Variants in PAQR5 observed in about 807,000 individuals in gnomAD.
The protein encoded by PAQR5 is progestin and adipoQ receptor family member 5.
A neutral mutation model predicts 34.5 loss-of-function variants in PAQR5; 20 were observed. The ratio of observed to expected loss-of-function variants is 0.58; its 90% CI spans 0.41 to 0.84. The LOEUF is 0.84. Among genes scored for constraint, PAQR5 ranks in the 40% least tolerant of loss-of-function variants. PAQR5 has a pLI of 0.00. For missense variants in PAQR5, 378 were observed against 412.7 expected (o/e 0.92, Z 0.73); for synonymous variants, 131 against 155.6 (o/e 0.84, Z 1.18).
chr15:69,346,297 ATTTTTTTT>A (rs34728909), intron 2 of PAQR5, among the ~76,000 whole-genome samples: 22 of 81,492 alleles, frequency 2.7e-4, no homozygotes, highest in Admixed American at 4.0e-4. Context: ...ATATTTTGTA[ATTTTTTTT>A]TTTTTTTTTT....
intron 1 of PAQR5, among the ~76,000 whole-genome samples, chr15:69,326,461 G>A (rs78579993): frequency 0.041 from 6,007 of 146,480 alleles, 253 homozygotes; most frequent in East Asian, 0.15. Context: ...TTTGAGATAG[G>A]CTCTCACTCT....
intron 1 of PAQR5, among the ~76,000 whole-genome samples, chr15:69,300,706 T>C (rs1472076943): frequency 0.18 from 491 of 2,718 alleles, 103 homozygotes; most frequent in African/African-American, 0.29. Flanking sequence ...CTCTCTCTCT[T>C]TCTTTCTTTC....
rs2056211158 is a variant in PAQR5, at chr15:69,389,911, A to G, written c.512+131A>G. On this transcript the variant is annotated intron_variant, in intron 6 of 8. Transcript: ENST00000395407. ...GCTTGGGAACCTAGGACTCCGTTCC[A>G]GGTGGACTTCCTATGCTGGCAAAAC... 5.7e-6 allele frequency: 6 copies of G among 1,051,406 alleles called. No individual in the cohort carries two copies. In the South Asian group the frequency reaches 9.7e-5, roughly 17 times the overall value. 65.1% of individuals were successfully genotyped at this position (1,051,406 alleles called of 1,614,324 possible).
At chr15:69,378,184 G>A (rs2055762608) in intron 3 of PAQR5, among the ~76,000 whole-genome samples, 1 of 142,578 alleles carries the variant, frequency 7.0e-6, no homozygotes, top group South Asian at 2.3e-4. Context: ...AGAATCGCTT[G>A]AACCCAGGAG....
chr15:69,307,277 G>T (rs1595829598), intron 1 of PAQR5, among the ~76,000 whole-genome samples: 1 of 152,290 alleles, frequency 6.6e-6, no homozygotes, highest in Non-Finnish European at 1.5e-5. Flanking sequence ...TATGAACATG[G>T]AAATGCAAAT....
intron 6 of PAQR5, among the ~76,000 whole-genome samples, chr15:69,396,353 C>T (rs2056432785): frequency 6.6e-6 from 1 of 151,956 alleles, no homozygotes; most frequent in South Asian, 2.1e-4. Flanking sequence ...CAGCAGGACA[C>T]AGACCCCATC....
At chr15:69,379,345 C>A in intron 3 of PAQR5, 2 of 825,430 alleles carry the variant, frequency 2.4e-6, no homozygotes, top group Non-Finnish European at 2.9e-6. Context: ...GTGCTGTGGG[C>A]AGCCACCTCC....
intron 2 of PAQR5, among the ~76,000 whole-genome samples, chr15:69,358,950 C>T (rs1243830888): frequency 2.0e-5 from 3 of 152,042 alleles, no homozygotes. Context: ...TGTCTTAGTC[C>T]ATTTGGCATG....
At chr15:69,305,671 A>C (rs2053699693) in intron 1 of PAQR5, among the ~76,000 whole-genome samples, 1 of 151,818 alleles carries the variant, frequency 6.6e-6, no homozygotes, top group Admixed American at 6.6e-5. Flanking sequence ...CTGCCCTGGG[A>C]GGGGACACAG....
chr15:69,394,515 G>A (rs2056360227), intron 6 of PAQR5, among the ~76,000 whole-genome samples: 2 of 152,224 alleles, frequency 1.3e-5, no homozygotes, highest in African/African-American at 4.8e-5. Context: ...AGGCCCGCTA[G>A]TTTCAAGCCC....
intron 3 of PAQR5, among the ~76,000 whole-genome samples, chr15:69,371,005 G>A (rs763381274): frequency 5.9e-5 from 9 of 152,086 alleles, no homozygotes; most frequent in African/African-American, 1.9e-4. Flanking sequence ...AAATTATTAC[G>A]TGTTTATTCC....
At chr15:69,380,883 T>A (rs1225909178) in intron 4 of PAQR5, among the ~76,000 whole-genome samples, 1 of 152,054 alleles carries the variant, frequency 6.6e-6, no homozygotes, top group East Asian at 1.9e-4. Flanking sequence ...CCTCCAGTCA[T>A]GTTGAGAAGA....
chr15:69,346,164 TG>T (rs1196432111), intron 2 of PAQR5, among the ~76,000 whole-genome samples: 1 of 152,144 alleles, frequency 6.6e-6, no homozygotes, highest in Non-Finnish European at 1.5e-5. Flanking sequence ...ATTAAGGTCT[TG>T]GATTATGACG....
At chr15:69,325,144 C>T (rs551758022) in intron 1 of PAQR5, among the ~76,000 whole-genome samples, 3 of 152,276 alleles carry the variant, frequency 2.0e-5, no homozygotes, top group Admixed American at 6.5e-5. Context: ...GGTGATCCAC[C>T]CAGCTCAGCC....
chr15:69,300,511 G>A (rs1452932190), intron 1 of PAQR5, among the ~76,000 whole-genome samples: 2 of 151,696 alleles, frequency 1.3e-5, no homozygotes, highest in Non-Finnish European at 2.9e-5. Flanking sequence ...ACCCACGTGG[G>A]GCAACATTTT....
chr15:69,303,552 A>C (rs1196635744), intron 1 of PAQR5, among the ~76,000 whole-genome samples: 1 of 147,496 alleles, frequency 6.8e-6, no homozygotes, highest in African/African-American at 2.6e-5. Flanking sequence ...AAAATTCCCC[A>C]GTGCAATTAA....
chr15:69,396,247 G>A (rs976068193), intron 6 of PAQR5, among the ~76,000 whole-genome samples: 3 of 149,766 alleles, frequency 2.0e-5, no homozygotes, highest in Non-Finnish European at 4.4e-5. Flanking sequence ...AGGTGAAATC[G>A]GTCTGGGCTC....
At chr15:69,317,012 G>A (rs1397717867) in intron 1 of PAQR5, among the ~76,000 whole-genome samples, 1 of 152,138 alleles carries the variant, frequency 6.6e-6, no homozygotes, top group Non-Finnish European at 1.5e-5. Context: ...TAGAGATGGG[G>A]TTTCACCATG....
rs2054143449 is a variant in PAQR5 at position 69,322,763 on chromosome 15, AGAAGAAGAGGGAGAAGAAGAAGAC to A, written c.-276-14575_-276-14552del. ...AAGAAGAAGAAGAAGAAGAAGAAGA[AGAAGAAGAGGGAGAAGAAGAAGAC>A]GAGGAAGAAGAAGAAGAGGAAGAGG... On this transcript the variant is annotated intron_variant, in intron 1 of 8. Coordinates refer to ENST00000395407, the MANE Select transcript of PAQR5 (RefSeq NM_017705.4). Among the ~76,000 whole-genome samples, 19 of 39,468 alleles carry A rather than the reference AGAAGAAGAGGGAGAAGAAGAAGAC, an allele frequency of 4.8e-4. 2 individuals carry two copies. Among genetic ancestry groups the A allele is most frequent in the South Asian group, 2.3e-3 (2 of 886 alleles). The allele number at this position is 39,468 out of a possible 152,430, so 25.9% of individuals were successfully genotyped here.
Sources: allele counts gnomAD v4.1 joint callset (sites outside exome capture counted in the v4.1 genomes callset), GRCh38; gene constraint gnomAD v4.1.1; transcripts MANE v1.5; gene names NCBI Gene and HGNC (gene_info 2026-07-23, HGNC 2026-07-21).